The following NRXN1 variants were observed in gnomAD, a reference collection of about 807,000 sequenced individuals.
NRXN1 encodes neurexin 1.
NRXN1 carries 39 observed loss-of-function variants against 150.9 expected under a neutral mutation model. That is an observed-to-expected ratio of 0.26 (90% CI 0.20 to 0.34). NRXN1 has a LOEUF of 0.34. Among genes scored for constraint, NRXN1 ranks in the 10% least tolerant of loss-of-function variants. The probability of loss-of-function intolerance (pLI) is 1.00; values close to 1 mark genes in which losing one functional copy is unlikely to be tolerated. For missense variants in NRXN1, 1,815 were observed against 1,949.9 expected (o/e 0.93, Z 1.30); for synonymous variants, 924 against 757.0 (o/e 1.22, Z -3.62).
intron 2 of NRXN1, among the ~76,000 whole-genome samples, chr2:50,942,586 G>C (rs1196148384): frequency 6.6e-6 from 1 of 152,192 alleles, no homozygotes; most frequent in Non-Finnish European, 1.5e-5. Flanking sequence ...GATTATTTTG[G>C]AGCTTTAAGA....
intron 17 of NRXN1, among the ~76,000 whole-genome samples, chr2:50,375,337 T>A (rs2080403305): frequency 6.6e-6 from 1 of 151,100 alleles, no homozygotes; most frequent in Admixed American, 6.6e-5. Flanking sequence ...TTCCCAACAT[T>A]ATTTCATTTG....
chr2:50,538,969 C>A (rs1364758157), intron 9 of NRXN1, among the ~76,000 whole-genome samples: 1 of 152,158 alleles, frequency 6.6e-6, no homozygotes, highest in Non-Finnish European at 1.5e-5. Flanking sequence ...CTGTATCAGT[C>A]TCTAGAAGAA....
intron 5 of NRXN1, among the ~76,000 whole-genome samples, chr2:50,921,483 T>C (rs1686026563): frequency 6.6e-6 from 1 of 151,800 alleles, no homozygotes; most frequent in Admixed American, 6.6e-5. Flanking sequence ...CTTAGACTTA[T>C]GTCTCAATAC....
chr2:50,688,930 T>C (rs1405896175), intron 5 of NRXN1, among the ~76,000 whole-genome samples: 6 of 152,194 alleles, frequency 3.9e-5, no homozygotes, highest in Non-Finnish European at 7.3e-5. Flanking sequence ...CACTAAGCTA[T>C]GCTTGCTTCC....
rs1025298140 is a variant in NRXN1 at position 49,921,199 on chromosome 2, CAT to C, written c.*743_*744del. ...CACACAGAGATGGATTTTATATAAA[CAT>C]ATGTAATAACATAATAAGCGTGCAT... On this transcript the variant is annotated 3_prime_UTR_variant, in exon 23 of 23. Transcript: ENST00000401669. 47 of 152,728 alleles carry C rather than the reference CAT, an allele frequency of 3.1e-4. No individual in the cohort carries two copies. Among genetic ancestry groups the C allele is most frequent in the African/African-American group, 1.0e-3 (42 of 41,562 alleles). 9.5% of individuals were successfully genotyped at this position (152,728 alleles called of 1,614,324 possible). A position where few individuals can be genotyped will look rare whatever the true frequency, so the allele number is the denominator to read the frequency against.
intron 5 of NRXN1, among the ~76,000 whole-genome samples, chr2:50,903,245 T>C (rs1683192117): frequency 6.6e-6 from 1 of 152,176 alleles, no homozygotes; most frequent in Admixed American, 6.5e-5. Context: ...TGTTCTCTGC[T>C]TTCTAGGTAT....
chr2:50,682,621 A>G (rs979839367), intron 5 of NRXN1, among the ~76,000 whole-genome samples: 2 of 152,164 alleles, frequency 1.3e-5, no homozygotes, highest in Admixed American at 6.6e-5. Flanking sequence ...AAACAAAGCG[A>G]GTAATGGTGA....
chr2:50,423,539 C>T (rs59396460), intron 17 of NRXN1, among the ~76,000 whole-genome samples: 3,395 of 152,120 alleles, frequency 0.022, 127 homozygotes, highest in African/African-American at 0.078. Flanking sequence ...CATACCAGTT[C>T]CATTGCCCTA....
chr2:50,374,257 C>T (rs1317381174), intron 17 of NRXN1, among the ~76,000 whole-genome samples: 2 of 150,804 alleles, frequency 1.3e-5, no homozygotes, highest in South Asian at 4.2e-4. Flanking sequence ...TGCTATTGTG[C>T]TCCAGCATGG....
intron 2 of NRXN1, among the ~76,000 whole-genome samples, chr2:51,015,493 T>C (rs944905894): frequency 4.6e-5 from 7 of 152,006 alleles, no homozygotes; most frequent in African/African-American, 1.7e-4. Flanking sequence ...TTCTTCTTTA[T>C]TGCCAAGAAC....
At chr2:50,060,137 G>A (rs377249227) in intron 19 of NRXN1, among the ~76,000 whole-genome samples, 2 of 152,168 alleles carry the variant, frequency 1.3e-5, no homozygotes, top group Non-Finnish European at 2.9e-5. Context: ...AAGCAGCCAG[G>A]AGGGAAGCGG....
intron 18 of NRXN1, among the ~76,000 whole-genome samples, chr2:50,101,331 G>C (rs1700953086): frequency 6.6e-6 from 1 of 151,954 alleles, no homozygotes; most frequent in African/African-American, 2.4e-5. Context: ...AACAGGAAAG[G>C]GGCATTCTAT....
intron 17 of NRXN1, among the ~76,000 whole-genome samples, chr2:50,350,191 A>C (rs186612671): frequency 2.4e-4 from 36 of 152,262 alleles, no homozygotes; most frequent in Non-Finnish European, 3.8e-4. Context: ...CACCTTCCTT[A>C]ATACATAATG....
At chr2:50,756,662 T>C (rs2105357297) in intron 5 of NRXN1, among the ~76,000 whole-genome samples, 1 of 151,948 alleles carries the variant, frequency 6.6e-6, no homozygotes, top group East Asian at 1.9e-4. Flanking sequence ...AGAGTAAGTA[T>C]ATTAAGATAT....
chr2:50,219,970 TA>T (rs1294308512), intron 18 of NRXN1, among the ~76,000 whole-genome samples: 23 of 50,178 alleles, frequency 4.6e-4, no homozygotes, highest in African/African-American at 3.5e-3. Context: ...ATATTATATA[TA>T]TATAATATAT....
At chr2:50,404,477 A>T (rs1486096608) in intron 17 of NRXN1, among the ~76,000 whole-genome samples, 1 of 152,062 alleles carries the variant, frequency 6.6e-6, no homozygotes, top group East Asian at 1.9e-4. Context: ...TCTTAGCAGA[A>T]CTTCATACAA....
rs192007371 is a variant in NRXN1 at position 51,016,195 on chromosome 2, T to C, written c.772+11307A>G. ...GACAATATCATTCAGGACACAGACA[T>C]GGGCAAAGATTTCATGACTAAAACA... On this transcript the variant is annotated intron_variant, in intron 2 of 22. Transcript: ENST00000401669. Among the ~76,000 whole-genome samples the C allele has an allele frequency of 2.0e-4, 31 of 152,138 alleles. No homozygotes were observed. The East Asian group carries it at 3.3e-3, about 16-fold the overall frequency.
chr2:49,955,330 C>T (rs1674735011), intron 21 of NRXN1, among the ~76,000 whole-genome samples: 1 of 152,102 alleles, frequency 6.6e-6, no homozygotes, highest in East Asian at 1.9e-4. Context: ...AAGATTTTAT[C>T]TGCCTTATAA....
chr2:50,239,409 A>T (rs1246430437), intron 17 of NRXN1, among the ~76,000 whole-genome samples: 1 of 151,320 alleles, frequency 6.6e-6, no homozygotes, highest in Non-Finnish European at 1.5e-5. Context: ...ATATCTAAGA[A>T]TTCAGATGGT....
Sources: gnomAD v4.1 joint callset for allele counts (sites outside exome capture counted in the v4.1 genomes callset) on GRCh38, gnomAD v4.1.1 for gene constraint, MANE v1.5 for transcripts, NCBI Gene and HGNC (gene_info 2026-07-23, HGNC 2026-07-21) for gene names.